Variants in LIG1 observed in about 807,000 individuals in gnomAD.
The protein encoded by LIG1 is DNA ligase 1.
In LIG1, 70 loss-of-function variants were observed where a neutral mutation model predicts 115.7. The observed-to-expected ratio is 0.60, with a 90% CI of 0.50 to 0.74. The LOEUF is 0.74. Among genes scored for constraint, LIG1 ranks in the 30% least tolerant of loss-of-function variants. The pLI is 0.00. For synonymous variants in LIG1, 487 were observed against 495.3 expected (o/e 0.98, Z 0.22); for missense variants, 1,115 against 1,225.6 (o/e 0.91, Z 1.35).
chr19:48,132,848 G>A, intron 18 of LIG1, 134 bp downstream of exon 18: 1 of 656,258 alleles, frequency 1.5e-6, no homozygotes, highest in Admixed American at 1.9e-5. Flanking sequence ...GGTGGATGCT[G>A]AAGCCCAGAG....
chr19:48,136,162 G>C (rs1304326677), intron 14 of LIG1, 37 bp from the exon 15 acceptor site: 1 of 1,471,290 alleles, frequency 6.8e-7, no homozygotes, highest in Non-Finnish European at 9.3e-7. Flanking sequence ...GGGCTTGTCT[G>C]CACCTCCCCA....
intron 6 of LIG1, among the ~76,000 whole-genome samples, chr19:48,151,575 G>A (rs530287816): frequency 6.6e-6 from 1 of 151,984 alleles, no homozygotes; most frequent in East Asian, 1.9e-4. Context: ...GATGACAGGC[G>A]CCCACCACCA....
Position 48,149,616 on chromosome 19 carries a change from G to A in LIG1, c.776+147C>T, listed in dbSNP as rs1018608463. ...ACAGGGGCCAAATGTGTCCCATAAAGCCTAAAATATTTACTCTCTGGCTCT... is the reference window on the plus strand; with the variant it reads ...ACAGGGGCCAAATGTGTCCCATAAAACCTAAAATATTTACTCTCTGGCTCT... On this transcript the variant is annotated intron_variant, in intron 9 of 27. Transcript: ENST00000263274. 4.4e-5 allele frequency: 31 copies of A among 702,216 alleles called. No individual in the cohort carries two copies. In the East Asian group the frequency reaches 8.4e-4, roughly 19 times the overall value. The allele number at this position is 702,216 out of a possible 1,614,324, so 43.5% of individuals were successfully genotyped here. A position where few individuals can be genotyped will look rare whatever the true frequency, so the allele number is the denominator to read the frequency against.
rs2035668441 is a variant in LIG1, at chr19:48,153,866, G to T, written c.466+6C>A. ...CACACACACTTCTCTCCTTCTGGGG[G>T]CTCACCTTCCTCCTCCTTCTTCCTC... On this transcript the variant is annotated splice_donor_region_variant and intron_variant, in intron 6 of 27. Coordinates refer to ENST00000263274, the MANE Select transcript of LIG1 (RefSeq NM_000234.3). The T allele has an allele frequency of 3.2e-6, 5 of 1,550,178 alleles. No individual in the cohort carries two copies. The East Asian group carries it at 1.2e-4, about 38-fold the overall frequency.
intron 9 of LIG1, among the ~76,000 whole-genome samples, chr19:48,145,499 G>A (rs553804695): frequency 1.3e-5 from 2 of 152,196 alleles, no homozygotes; most frequent in East Asian, 3.9e-4. Flanking sequence ...CAAGGGTTGG[G>A]GGGGAGAAAG....
In LIG1 at chr19:48,137,939, A is replaced by G. The variant is rs947540701; in HGVS notation, c.1088-251T>C. The stretch of plus-strand genomic sequence containing the variant: ...GCGGTGGATGAACGAGCATGACCAC[A>G]CTCAGGGGAGACATCTGGGCCGGTG... On this transcript the variant is annotated intron_variant, in intron 12 of 27. Transcript: ENST00000263274. The surrounding 1 kb of genome is among the most constrained non-coding windows in gnomAD (Gnocchi z 4.3). The G allele has an allele frequency of 3.4e-6, 2 of 583,748 alleles. No homozygotes were observed. The highest frequency in any genetic ancestry group is 6.2e-6 in the Non-Finnish European group (2 of 322,186). 36.2% of individuals were successfully genotyped at this position (583,748 alleles called of 1,614,324 possible).
Position 48,120,490 on chromosome 19 carries a change from A to G in LIG1, c.2385+680T>C, listed in dbSNP as rs907728181. 13 of 985,252 alleles carry G rather than the reference A, an allele frequency of 1.3e-5. No individual in the cohort carries two copies. In the African/African-American group the frequency reaches 1.4e-4, roughly 11 times the overall value. 61.0% of individuals were successfully genotyped at this position (985,252 alleles called of 1,614,324 possible). A position where few individuals can be genotyped will look rare whatever the true frequency, so the allele number is the denominator to read the frequency against. On this transcript the variant is annotated intron_variant, in intron 24 of 27. Transcript: ENST00000263274. ...TTCTGTTTCTGTGGCAAAAGACCCA[A>G]ATTTGTTGGAGAGGGGAATATAGGA...
chr19:48,152,223 A>G (rs553971852), intron 6 of LIG1, among the ~76,000 whole-genome samples: 4 of 152,244 alleles, frequency 2.6e-5, no homozygotes, highest in African/African-American at 9.6e-5. Flanking sequence ...CCCAGTTTCA[A>G]GGGATTCTCA....
chr19:48,119,091 C>A (rs752300709), intron 25 of LIG1, 46 bp downstream of exon 25: 48 of 1,471,494 alleles, frequency 3.3e-5, no homozygotes, highest in Non-Finnish European at 4.4e-5. Context: ...CTGTCAGGGG[C>A]AGGGGGGAGA....
intron 2 of LIG1, among the ~76,000 whole-genome samples, chr19:48,163,656 T>C (rs893656650): frequency 6.6e-6 from 1 of 151,188 alleles, no homozygotes; most frequent in African/African-American, 2.4e-5. Flanking sequence ...AAATATAAAA[T>C]GTTGGGGCCT....
chr19:48,116,055 TCCA>T, intron 26 of LIG1, 90 bp from the exon 27 acceptor site: 1 of 946,076 alleles, frequency 1.1e-6, no homozygotes, highest in Non-Finnish European at 1.7e-6. Flanking sequence ...TGTTTCCTGA[TCCA>T]CATGACGGGG....
chr19:48,144,402 T>C (rs2034983699), intron 9 of LIG1, among the ~76,000 whole-genome samples: 1 of 152,086 alleles, frequency 6.6e-6, no homozygotes, highest in South Asian at 2.1e-4. Flanking sequence ...ATTGCGTAGC[T>C]GAGCTGGGAC....
intron 19 of LIG1, among the ~76,000 whole-genome samples, chr19:48,129,886 G>A (rs187975356): frequency 2.0e-5 from 3 of 152,252 alleles, no homozygotes; most frequent in African/African-American, 7.2e-5. Context: ...CTCCCAAGTA[G>A]CTGGGACTAC....
intron 7 of LIG1, among the ~76,000 whole-genome samples, chr19:48,150,538 G>A (rs771380825): frequency 2.6e-5 from 4 of 151,956 alleles, no homozygotes; most frequent in Non-Finnish European, 5.9e-5. Flanking sequence ...AAATTCTCCC[G>A]GCAAGTGTTG....
chr19:48,119,682 G>C (rs1430181026), intron 24 of LIG1, among the ~76,000 whole-genome samples: 1 of 151,844 alleles, frequency 6.6e-6, no homozygotes, highest in Non-Finnish European at 1.5e-5. Flanking sequence ...GGGACCACAG[G>C]CATGCACCAC....
chr19:48,127,398 C>A (rs1485971393), intron 20 of LIG1, 50 bp from the exon 21 acceptor site: 1 of 1,526,720 alleles, frequency 6.5e-7, no homozygotes, highest in Non-Finnish European at 9.0e-7. Flanking sequence ...TGAGACGGGG[C>A]ACTGTGCCTG....
chr19:48,159,730 T>TC (rs2036061967), intron 4 of LIG1, among the ~76,000 whole-genome samples: 2 of 150,730 alleles, frequency 1.3e-5, no homozygotes, highest in East Asian at 1.9e-4. Context: ...TATTTATTTA[T>TC]TTTTTGAGAC....
intron 11 of LIG1, among the ~76,000 whole-genome samples, chr19:48,141,013 C>T (rs1568514105): frequency 6.6e-6 from 1 of 152,220 alleles, no homozygotes; most frequent in South Asian, 2.1e-4. Context: ...GGTGAACCCA[C>T]CGGACGGTTA....
chr19:48,127,636 G>C (rs1431719485), intron 20 of LIG1: 1 of 609,926 alleles, frequency 1.6e-6, no homozygotes, highest in East Asian at 2.8e-5. Flanking sequence ...GGGGAAACCT[G>C]TGGGGTGCAG....
Sources: gnomAD v4.1 joint callset for allele counts (sites outside exome capture counted in the v4.1 genomes callset) on GRCh38, gnomAD v4.1.1 for gene constraint, Gnocchi (gnomAD v3.1) non-coding constraint, MANE v1.5 for transcripts, NCBI Gene and HGNC (gene_info 2026-07-23, HGNC 2026-07-21) for gene names.